Variants in DGKI observed in about 807,000 individuals in gnomAD.
DGKI encodes DAG kinase iota.
DGKI carries 55 observed loss-of-function variants against 147.5 expected under a neutral mutation model. That is an observed-to-expected ratio of 0.37 (90% CI 0.30 to 0.47). The LOEUF is 0.47. DGKI is among the 20% of genes least tolerant of loss of function. The pLI is 1.00. For synonymous variants in DGKI, 469 were observed against 477.1 expected (o/e 0.98, Z 0.22); for missense variants, 1,007 against 1,323.8 (o/e 0.76, Z 3.71).
At chr7:137,520,555 A>G (rs1816926650) in intron 21 of DGKI, among the ~76,000 whole-genome samples, 1 of 152,090 alleles carries the variant, frequency 6.6e-6, no homozygotes, top group South Asian at 2.1e-4. Context: ...ACACTTTCCT[A>G]TAAAAGGAAA....
intron 6 of DGKI, among the ~76,000 whole-genome samples, chr7:137,643,020 G>A (rs1043368591): frequency 1.3e-5 from 2 of 151,180 alleles, no homozygotes; most frequent in African/African-American, 2.4e-5. Context: ...GGCCGGGCGC[G>A]GTGGCTCATG....
At chr7:137,718,890 C>A (rs568468052) in intron 1 of DGKI, among the ~76,000 whole-genome samples, 81 of 152,028 alleles carry the variant, frequency 5.3e-4, no homozygotes, top group Non-Finnish European at 1.1e-3. Context: ...GTGATCACTG[C>A]AAAAAAGGAA....
rs1554446609 is a variant in DGKI at position 137,638,613 on chromosome 7, C to CATATATGTATATATGTGTATATAT, written c.804+6858_804+6859insATATATACACATATATACATATAT. Among the ~76,000 whole-genome samples, 36 of 15,752 alleles carry CATATATGTATATATGTGTATATAT rather than the reference C, an allele frequency of 2.3e-3. 7 individuals are homozygous for CATATATGTATATATGTGTATATAT. The highest frequency in any genetic ancestry group is 0.012 in the African/African-American group (32 of 2,668). The allele number at this position is 15,752 out of a possible 152,430, so 10.3% of individuals were successfully genotyped here. A position where few individuals can be genotyped will look rare whatever the true frequency, so the allele number is the denominator to read the frequency against. ...ATATATACATATATGTATATATATA[C>CATATATGTATATATGTGTATATAT]ACACACACATATATATGTGTGTATA... On this transcript the variant is annotated intron_variant, in intron 6 of 32. Coordinates refer to ENST00000614521, the MANE Select transcript of DGKI (RefSeq NM_001321708.2).
rs1163012929 is a variant in DGKI at position 137,390,712 on chromosome 7, A to C, written c.*508T>G. 6.4e-6 allele frequency: 1 copy of C among 156,544 alleles called. No homozygotes were observed. The highest frequency in any genetic ancestry group is 2.4e-5 in the African/African-American group (1 of 41,470). The allele number at this position is 156,544 out of a possible 1,614,324, so 9.7% of individuals were successfully genotyped here. A position where few individuals can be genotyped will look rare whatever the true frequency, so the allele number is the denominator to read the frequency against. ...TAGAAATGGAAGTGGTTTTACAGTT[A>C]TATTTCTGCAGGACATTCAGAAGGT... is the stretch of plus-strand genomic sequence containing the variant. On this transcript the variant is annotated 3_prime_UTR_variant, in exon 33 of 33. Coordinates refer to ENST00000614521, the MANE Select transcript of DGKI (RefSeq NM_001321708.2).
chr7:137,773,939 C>T (rs1796286422), intron 1 of DGKI, among the ~76,000 whole-genome samples: 1 of 152,190 alleles, frequency 6.6e-6, no homozygotes, highest in Non-Finnish European at 1.5e-5. Context: ...CATGCTCCTT[C>T]TATCACAACA....
chr7:137,417,219 G>A (rs1042411632), intron 28 of DGKI, among the ~76,000 whole-genome samples: 54 of 152,136 alleles, frequency 3.5e-4, no homozygotes, highest in African/African-American at 1.3e-3. Context: ...CAAAGAAGCA[G>A]GGAAAGTCAA....
chr7:137,677,941 C>T (rs1823091045), intron 3 of DGKI, among the ~76,000 whole-genome samples: 2 of 152,136 alleles, frequency 1.3e-5, no homozygotes, highest in Admixed American at 6.5e-5. Flanking sequence ...ACTTACCTCA[C>T]AACATAAAGA....
intron 29 of DGKI, 89 bp from the exon 30 acceptor site, chr7:137,408,084 A>C: frequency 6.7e-7 from 1 of 1,496,430 alleles, no homozygotes; most frequent in Non-Finnish European, 9.1e-7. Context: ...GTCATGTAGC[A>C]GACCACAATG....
chr7:137,555,026 C>T (rs1818176018), intron 19 of DGKI, among the ~76,000 whole-genome samples: 1 of 150,880 alleles, frequency 6.6e-6, no homozygotes, highest in African/African-American at 2.4e-5. Flanking sequence ...AAGTGATTCC[C>T]CTGCCTCAGC....
Position 137,585,199 on chromosome 7 carries a change from A to T in DGKI, c.1563+10T>A, listed in dbSNP as rs199664528. ...AGGGCTCCTTTCTGCAGAACAAAAAACTCTCTAACCTTACATACGCCATCT... is the reference window on the plus strand; with the variant it reads ...AGGGCTCCTTTCTGCAGAACAAAAATCTCTCTAACCTTACATACGCCATCT... On this transcript the variant is annotated intron_variant, in intron 14 of 32. Coordinates refer to ENST00000614521, the MANE Select transcript of DGKI (RefSeq NM_001321708.2). 5.0e-6 allele frequency: 8 copies of T among 1,613,556 alleles called. No homozygotes were observed. Among genetic ancestry groups the T allele is most frequent in the Non-Finnish European group, 6.8e-6 (8 of 1,179,800 alleles).
intron 2 of DGKI, among the ~76,000 whole-genome samples, chr7:137,682,762 A>G (rs1207833524): frequency 6.6e-6 from 1 of 152,198 alleles, no homozygotes; most frequent in African/African-American, 2.4e-5. Flanking sequence ...GACTTGTTCC[A>G]TTAAATCCTC....
intron 28 of DGKI, among the ~76,000 whole-genome samples, chr7:137,419,777 G>C (rs1812493351): frequency 6.6e-6 from 1 of 152,188 alleles, no homozygotes; most frequent in Non-Finnish European, 1.5e-5. Context: ...TCTAGGCCTA[G>C]AGGACTTTTT....
chr7:137,645,964 T>C (rs971096056), intron 5 of DGKI, among the ~76,000 whole-genome samples: 5 of 152,180 alleles, frequency 3.3e-5, no homozygotes, highest in African/African-American at 1.2e-4. Context: ...GTCTTCCTAG[T>C]GGCAAGTGGC....
intron 5 of DGKI, among the ~76,000 whole-genome samples, chr7:137,649,492 G>A (rs1239834161): frequency 6.6e-6 from 1 of 152,030 alleles, no homozygotes; most frequent in African/African-American, 2.4e-5. Flanking sequence ...CAAGTACTGG[G>A]CAAGGAAAGG....
chr7:137,448,454 A>AT (rs973467225), intron 27 of DGKI, among the ~76,000 whole-genome samples: 2 of 149,116 alleles, frequency 1.3e-5, no homozygotes, highest in African/African-American at 4.9e-5. Context: ...GATAAAAATG[A>AT]TTAATAAATC....
intron 1 of DGKI, among the ~76,000 whole-genome samples, chr7:137,790,068 C>T (rs1796803475): frequency 6.6e-6 from 1 of 152,178 alleles, no homozygotes; most frequent in South Asian, 2.1e-4. Flanking sequence ...TCCACTCTGT[C>T]ACTGTAGCAC....
intron 17 of DGKI, 133 bp from the exon 18 acceptor site, chr7:137,572,971 G>A (rs528887677): frequency 5.8e-5 from 34 of 590,562 alleles, no homozygotes; most frequent in Middle Eastern, 3.8e-4. Context: ...AGTGAATGCC[G>A]GTCACAGTGA....
rs150118315 is a variant in DGKI at position 137,557,069 on chromosome 7, G to A, written c.1948-4501C>T. Reference sequence around the variant, plus strand: ...GAGCTTAAACATCAACTGCTCCCTGGGTCTCTAGCCTGTCAGCCTACCCTG... The same window carrying A: ...GAGCTTAAACATCAACTGCTCCCTGAGTCTCTAGCCTGTCAGCCTACCCTG... On this transcript the variant is annotated intron_variant, in intron 19 of 32. Transcript: ENST00000614521. Among the ~76,000 whole-genome samples, 1,236 of 152,080 alleles carry A rather than the reference G, an allele frequency of 8.1e-3. 23 individuals are homozygous for A. Among genetic ancestry groups the A allele is most frequent in the African/African-American group, 0.028 (1,164 of 41,482 alleles).
chr7:137,471,391 T>C (rs977802043), intron 23 of DGKI, among the ~76,000 whole-genome samples: 5 of 152,112 alleles, frequency 3.3e-5, no homozygotes, highest in African/African-American at 1.2e-4. Flanking sequence ...AGGAATAACA[T>C]AGAAGAAGTA....
Sources: allele counts gnomAD v4.1 joint callset (sites outside exome capture counted in the v4.1 genomes callset), GRCh38; gene constraint gnomAD v4.1.1; transcripts MANE v1.5; gene names NCBI Gene and HGNC (gene_info 2026-07-23, HGNC 2026-07-21).